BICD1: variants seen among roughly 807,000 people sequenced by gnomAD.
BICD1 encodes BICD cargo adaptor 1.
In BICD1, 35 loss-of-function variants were observed where a neutral mutation model predicts 92.5. The ratio of observed to expected loss-of-function variants is 0.38; its 90% CI spans 0.29 to 0.50. BICD1 has a LOEUF of 0.50. Ranked by LOEUF, BICD1 falls within the 20% of genes least tolerant of loss-of-function variation. The pLI, the probability that BICD1 is intolerant of heterozygous loss-of-function variation, is 0.93. For synonymous variants in BICD1, 429 were observed against 465.1 expected, an observed-to-expected ratio of 0.92 and a Z score of 1.00; for missense variants, 950 against 1,189.8, an observed-to-expected ratio of 0.80 and a Z score of 2.97.
chr12:32,117,735 C>CAT (rs71064997), intron 1 of BICD1, among the ~76,000 whole-genome samples: 1,608 of 134,366 alleles, frequency 0.012, 23 homozygotes, highest in Non-Finnish European at 0.019. Context: ...CACACACACA[C>CAT]ATATATATAT....
At chr12:32,301,463 A>G (rs1948043170) in intron 3 of BICD1, among the ~76,000 whole-genome samples, 1 of 152,100 alleles carries the variant, frequency 6.6e-6, no homozygotes, top group East Asian at 1.9e-4. Context: ...TATAAATAGC[A>G]TTAAGTACAA....
At chr12:32,132,437 TTGAGA>T (rs1592350030) in intron 1 of BICD1, among the ~76,000 whole-genome samples, 1 of 148,768 alleles carries the variant, frequency 6.7e-6, no homozygotes, top group African/African-American at 2.5e-5. Context: ...AAAAAAGATC[TTGAGA>T]TGAGAATGAA....
chr12:32,259,537 C>A (rs982337252), intron 2 of BICD1, among the ~76,000 whole-genome samples: 1 of 152,194 alleles, frequency 6.6e-6, no homozygotes, highest in Non-Finnish European at 1.5e-5. Flanking sequence ...AGTGGGTCTG[C>A]TCCACATCAG....
intron 2 of BICD1, among the ~76,000 whole-genome samples, chr12:32,243,264 A>ATTTTTTT (rs71068310): frequency 0.25 from 17,986 of 73,188 alleles, 2,835 homozygotes; most frequent in Non-Finnish European, 0.31. Context: ...TGCCTGGCTA[A>ATTTTTTT]TTTTTTTTTT....
chr12:32,238,244 A>ATTTTTTT (rs58854471), intron 2 of BICD1, among the ~76,000 whole-genome samples: 1 of 151,614 alleles, frequency 6.6e-6, no homozygotes, highest in Non-Finnish European at 1.5e-5. Context: ...CCTAAAAAGG[A>ATTTTTTT]TTTTTTTTTA....
intron 8 of BICD1, among the ~76,000 whole-genome samples, chr12:32,356,551 T>C (rs1386616427): frequency 6.6e-6 from 1 of 151,826 alleles, no homozygotes; most frequent in Non-Finnish European, 1.5e-5. Flanking sequence ...GAGGATCGCC[T>C]GAACCCGGGA....
At chr12:32,174,682 A>G (rs1944042958) in intron 1 of BICD1, among the ~76,000 whole-genome samples, 1 of 152,252 alleles carries the variant, frequency 6.6e-6, no homozygotes, top group Non-Finnish European at 1.5e-5. Context: ...TTTACAGGCC[A>G]GTATCACAAC....
chr12:32,280,151 C>G (rs529502130), intron 2 of BICD1, among the ~76,000 whole-genome samples: 1 of 152,082 alleles, frequency 6.6e-6, no homozygotes, highest in Non-Finnish European at 1.5e-5. Flanking sequence ...ATGGGTTTCA[C>G]TGTAGTTTTA....
chr12:32,155,624 G>A (rs1336361572), intron 1 of BICD1, among the ~76,000 whole-genome samples: 4 of 152,164 alleles, frequency 2.6e-5, no homozygotes, highest in Non-Finnish European at 5.9e-5. Context: ...TAATAGCAAA[G>A]CAGCTGCACC....
chr12:32,340,491 C>T, intron 8 of BICD1: 1 of 983,530 alleles, frequency 1.0e-6, no homozygotes, highest in Non-Finnish European at 1.2e-6. Context: ...TTTAGTAGCA[C>T]TATCTACTGG....
intron 8 of BICD1, among the ~76,000 whole-genome samples, chr12:32,361,580 A>T (rs1215233013): frequency 6.6e-6 from 1 of 151,766 alleles, no homozygotes; most frequent in Non-Finnish European, 1.5e-5. Flanking sequence ...AAAGAAAGAT[A>T]AGAAAAAAAG....
intron 1 of BICD1, among the ~76,000 whole-genome samples, chr12:32,199,697 C>G (rs944871064): frequency 7.2e-5 from 11 of 152,168 alleles, no homozygotes; most frequent in Non-Finnish European, 1.5e-4. Flanking sequence ...CCTCTGGAGC[C>G]TCAGTAAATT....
intron 1 of BICD1, among the ~76,000 whole-genome samples, chr12:32,198,694 TCTC>T (rs905150214): frequency 6.6e-6 from 1 of 151,938 alleles, no homozygotes; most frequent in Non-Finnish European, 1.5e-5. Context: ...TGTCCACCTC[TCTC>T]CTCCTGCCGT....
intron 2 of BICD1, among the ~76,000 whole-genome samples, chr12:32,222,127 G>T (rs1053350823): frequency 6.6e-6 from 1 of 152,068 alleles, no homozygotes; most frequent in Non-Finnish European, 1.5e-5. Flanking sequence ...AGATATGTTA[G>T]AATTAACTGC....
In BICD1 at chr12:32,274,580, A is replaced by G. The variant is rs1341877641; in HGVS notation, c.427-19414A>G. ...ATTTTTCAGAAATAGTATCCACTAA[A>G]TCATAATCTGAGGCCACTTTACTGA... On this transcript the variant is annotated intron_variant, in intron 2 of 9. Transcript: ENST00000652176. Among the ~76,000 whole-genome samples the G allele has an allele frequency of 2.6e-5, 4 of 152,202 alleles. No homozygotes were observed. The East Asian group carries it at 7.7e-4, about 29-fold the overall frequency.
At chr12:32,288,669 C>T (rs889430276) in intron 2 of BICD1, among the ~76,000 whole-genome samples, 1 of 152,006 alleles carries the variant, frequency 6.6e-6, no homozygotes, top group Non-Finnish European at 1.5e-5. Context: ...AGTTCAAGAC[C>T]AGCCTGGCCA....
rs1207819530 is a variant in BICD1 at position 32,302,029 on chromosome 12, T to G, written c.580-3668T>G. Among the ~76,000 whole-genome samples the G allele has an allele frequency of 2.0e-5, 3 of 152,110 alleles. No individual in the cohort carries two copies. In the East Asian group the frequency reaches 5.8e-4, roughly 30 times the overall value. ...AGCCTTCTGAGTAGCTGGGACTACA[T>G]GCACCTGCCACCACGCCCCACTAAT... On this transcript the variant is annotated intron_variant, in intron 3 of 9. Transcript: ENST00000652176.
At chr12:32,283,310 A>T (rs764766614) in intron 2 of BICD1, among the ~76,000 whole-genome samples, 1 of 151,434 alleles carries the variant, frequency 6.6e-6, no homozygotes, top group Non-Finnish European at 1.5e-5. Context: ...GTTAATACCG[A>T]AGTCAGGATC....
chr12:32,351,287 A>G (rs1462787687), intron 8 of BICD1, among the ~76,000 whole-genome samples: 2 of 151,454 alleles, frequency 1.3e-5, no homozygotes, highest in African/African-American at 2.4e-5. Context: ...GGAGTTCAAG[A>G]GCAGCCTGGC....
Sources: gnomAD v4.1 joint callset for allele counts (sites outside exome capture counted in the v4.1 genomes callset) on GRCh38, gnomAD v4.1.1 for gene constraint, MANE v1.5 for transcripts, NCBI Gene and HGNC (gene_info 2026-07-23, HGNC 2026-07-21) for gene names.